SNX13: variants seen among roughly 807,000 people sequenced by gnomAD.
SNX13 encodes the protein sorting nexin-13.
Under a neutral mutation model 133.6 loss-of-function variants are expected in SNX13, and 45 were observed. The ratio of observed to expected loss-of-function variants is 0.34; its 90% confidence interval spans 0.27 to 0.43. The LOEUF is 0.43. Ranked by LOEUF, SNX13 falls within the 20% of genes least tolerant of loss-of-function variation. The probability of loss-of-function intolerance (pLI) is 1.00; values close to 1 mark genes in which losing one functional copy is unlikely to be tolerated. For missense variants in SNX13, 1,032 were observed against 1,145.1 expected (o/e 0.90, Z 1.43); for synonymous variants, 414 against 373.9 (o/e 1.11, Z -1.24).
chr7:17,820,901 A>G (rs1164044393), intron 18 of SNX13, among the ~76,000 whole-genome samples: 1 of 152,124 alleles, frequency 6.6e-6, no homozygotes, highest in Non-Finnish European at 1.5e-5. Context: ...AAAATATTTA[A>G]TTTAAAAATA....
rs879013967 is a variant in SNX13, at chr7:17,793,841, C to T, written c.*204G>A. 5.5e-5 allele frequency: 29 copies of T among 526,120 alleles called. No homozygotes were observed. In the South Asian group the frequency reaches 1.1e-3, roughly 20 times the overall value. 32.6% of individuals were successfully genotyped at this position (526,120 alleles called of 1,614,324 possible). On this transcript the variant is annotated 3_prime_UTR_variant, in exon 26 of 26. Coordinates refer to ENST00000428135, the MANE Select transcript of SNX13 (RefSeq NM_015132.5). The stretch of plus-strand genomic sequence containing the variant: ...CAATGTTGCAAAATATGCACCAAAT[C>T]ATTTAAGACACAGAAATCTCTCTTG...
At chr7:17,888,171 A>AG (rs1307886055) in intron 5 of SNX13, 1 of 152,216 alleles carries the variant, frequency 6.6e-6, no homozygotes, top group Non-Finnish European at 1.5e-5. Flanking sequence ...CTGCACGCTA[A>AG]GAACTTTATT....
chr7:17,861,342 T>TCTCACACACA lies in SNX13; in HGVS notation c.837+7064_837+7065insTGTGTGTGAG, dbSNP rs1385021153. 2.4e-3 allele frequency among the ~76,000 whole-genome samples: 349 copies of TCTCACACACA among 143,238 alleles called. 11 individuals carry two copies. Among genetic ancestry groups the TCTCACACACA allele is most frequent in the Admixed American group, 0.023 (329 of 14,334 alleles). 94.0% of individuals were successfully genotyped at this position (143,238 alleles called of 152,430 possible). On this transcript the variant is annotated intron_variant, in intron 9 of 25. Transcript: ENST00000428135. ...TACAGTTATCACACATACAGTTATC[T>TCTCACACACA]CACACACACACACACACACACACAC...
chr7:17,927,104 C>T (rs1409351173), intron 1 of SNX13, among the ~76,000 whole-genome samples: 1 of 151,474 alleles, frequency 6.6e-6, no homozygotes, highest in African/African-American at 2.4e-5. Context: ...ATAAGCTAAA[C>T]AAGATTAAAA....
intron 9 of SNX13, among the ~76,000 whole-genome samples, chr7:17,856,902 C>G (rs1013791396): frequency 2.0e-5 from 3 of 147,902 alleles, no homozygotes; most frequent in Admixed American, 6.7e-5. Flanking sequence ...AGATTTATAA[C>G]AAAAATAAAT....
At chr7:17,815,811 T>A (rs139667386) in intron 19 of SNX13, among the ~76,000 whole-genome samples, 2 of 152,114 alleles carry the variant, frequency 1.3e-5, no homozygotes, top group Non-Finnish European at 2.9e-5. Flanking sequence ...ACATTTAGGA[T>A]AAAAGATTTG....
intron 1 of SNX13, among the ~76,000 whole-genome samples, chr7:17,921,513 C>G (rs1466500704): frequency 6.6e-6 from 1 of 152,156 alleles, no homozygotes; most frequent in Non-Finnish European, 1.5e-5. Context: ...TCCTGCAGCT[C>G]TCTCAAACAA....
At chr7:17,820,385 G>C (rs1767190215) in intron 18 of SNX13, among the ~76,000 whole-genome samples, 1 of 152,022 alleles carries the variant, frequency 6.6e-6, no homozygotes, top group Admixed American at 6.6e-5. Flanking sequence ...AAAAAGTAAA[G>C]CAATTATTTC....
chr7:17,810,416 CAAG>C (rs548918952), intron 20 of SNX13, among the ~76,000 whole-genome samples: 24 of 151,888 alleles, frequency 1.6e-4, no homozygotes, highest in Non-Finnish European at 2.9e-4. Context: ...AAGACTAAAC[CAAG>C]AAGAAGTCGA....
At chr7:17,846,149 A>G (rs1790495207) in intron 11 of SNX13, among the ~76,000 whole-genome samples, 1 of 152,114 alleles carries the variant, frequency 6.6e-6, no homozygotes, top group South Asian at 2.1e-4. Context: ...AAAATCTCTA[A>G]TTATTAGATA....
chr7:17,911,154 C>A (rs1007769893), intron 1 of SNX13, among the ~76,000 whole-genome samples: 1 of 152,164 alleles, frequency 6.6e-6, no homozygotes, highest in Non-Finnish European at 1.5e-5. Flanking sequence ...TTTTGTTGAC[C>A]TCTCCAAGCC....
intron 8 of SNX13, among the ~76,000 whole-genome samples, chr7:17,871,920 C>G (rs765545085): frequency 2.9e-4 from 44 of 152,060 alleles, no homozygotes; most frequent in Non-Finnish European, 5.6e-4. Flanking sequence ...GACTTGAGAT[C>G]TGAAAAATTT....
chr7:17,904,489 G>A (rs1448309865), intron 1 of SNX13, among the ~76,000 whole-genome samples: 3 of 151,842 alleles, frequency 2.0e-5, no homozygotes, highest in Non-Finnish European at 4.4e-5. Context: ...GGTTCATGTG[G>A]AGAGTGGGGG....
At chr7:17,875,407 G>T in intron 7 of SNX13, 73 bp downstream of exon 7, 1 of 1,241,538 alleles carries the variant, frequency 8.1e-7, no homozygotes, top group South Asian at 1.4e-5. Context: ...TTTACCCTTA[G>T]ATTTTTTCAC....
At chr7:17,832,149 A>G (rs1312789722) in intron 15 of SNX13, 1 of 984,190 alleles carries the variant, frequency 1.0e-6, no homozygotes, top group African/African-American at 1.8e-5. Flanking sequence ...AGAGAAGCAT[A>G]TTTACTTCAG....
chr7:17,917,001 G>A (rs573448640), intron 1 of SNX13, among the ~76,000 whole-genome samples: 1 of 152,208 alleles, frequency 6.6e-6, no homozygotes, highest in Non-Finnish European at 1.5e-5. Context: ...ATGCAAGGAT[G>A]GTTCAACATA....
chr7:17,859,441 G>T (rs1381443858), intron 9 of SNX13, among the ~76,000 whole-genome samples: 2 of 152,078 alleles, frequency 1.3e-5, no homozygotes, highest in Non-Finnish European at 2.9e-5. Context: ...AATGTGGAAA[G>T]ACCAGAACTG....
At chr7:17,885,520 C>G (rs1795891785) in intron 5 of SNX13, among the ~76,000 whole-genome samples, 1 of 152,186 alleles carries the variant, frequency 6.6e-6, no homozygotes, top group Admixed American at 6.5e-5. Context: ...TACCCCAGGT[C>G]TATTCTACAG....
chr7:17,891,647 T>C lies in SNX13; in HGVS notation c.229-12A>G. 1.9e-6 allele frequency: 3 copies of C among 1,589,530 alleles called. No individual in the cohort carries two copies. The highest frequency in any genetic ancestry group is 2.6e-6 in the Non-Finnish European group (3 of 1,159,648). On this transcript the variant is annotated splice_polypyrimidine_tract_variant and intron_variant, in intron 3 of 25. Coordinates refer to ENST00000428135, the MANE Select transcript of SNX13 (RefSeq NM_015132.5). ...ATTTCTTCTAAGCACTTAAAGGAAATCAAAATATCTTACTGAGTAGTTTTC... is the reference window on the plus strand; with the variant it reads ...ATTTCTTCTAAGCACTTAAAGGAAACCAAAATATCTTACTGAGTAGTTTTC...
Sources: gnomAD v4.1 joint callset for allele counts (sites outside exome capture counted in the v4.1 genomes callset) on GRCh38, gnomAD v4.1.1 for gene constraint, MANE v1.5 for transcripts, NCBI Gene and HGNC (gene_info 2026-07-23, HGNC 2026-07-21) for gene names.